The following PLCG2 variants were observed in gnomAD, a reference collection of about 807,000 sequenced individuals.
PLCG2 encodes 1-phosphatidylinositol 4,5-bisphosphate phosphodiesterase gamma-2.
Under a neutral mutation model 175.6 loss-of-function variants are expected in PLCG2, and 69 were observed. The observed-to-expected ratio is 0.39, with a 90% CI of 0.32 to 0.48. The LOEUF is 0.48. Among genes scored for constraint, PLCG2 ranks in the 20% least tolerant of loss-of-function variants. PLCG2 has a pLI of 0.91. For missense variants in PLCG2, 1,798 were observed against 1,650.9 expected (o/e 1.09, Z -1.54); for synonymous variants, 827 against 624.0 (o/e 1.33, Z -4.85).
At chr16:81,891,439 T>C in intron 10 of PLCG2, 33 bp from the exon 11 acceptor site, 1 of 1,174,270 alleles carries the variant, frequency 8.5e-7, no homozygotes, top group Non-Finnish European at 1.3e-6. Context: ...CCCGTCAACG[T>C]GATGATTCGG....
At chr16:81,789,704 G>C (rs1486721347) in intron 2 of PLCG2, among the ~76,000 whole-genome samples, 1 of 152,132 alleles carries the variant, frequency 6.6e-6, no homozygotes, top group African/African-American at 2.4e-5. Flanking sequence ...ATTATAATAA[G>C]TCCCCCGGAT....
intron 23 of PLCG2, among the ~76,000 whole-genome samples, chr16:81,927,434 C>T (rs1910322508): frequency 6.6e-6 from 1 of 152,184 alleles, no homozygotes; most frequent in South Asian, 2.1e-4. Context: ...GGAGAATTCC[C>T]GCTGGAGTGA....
chr16:81,817,945 A>G (rs1904624173), intron 2 of PLCG2, among the ~76,000 whole-genome samples: 1 of 152,186 alleles, frequency 6.6e-6, no homozygotes, highest in African/African-American at 2.4e-5. Context: ...TGGGGTTGAG[A>G]GCAAAGACCC....
rs759442850 is a variant in PLCG2 at position 81,824,226 on chromosome 16, C to T, written c.194-30218C>T. ...TCAGCTCACCGCAACCTCCACCTCC[C>T]GGCTTCAAGCAATTCTCCTCCCTCA... is the stretch of plus-strand genomic sequence containing the variant. On this transcript the variant is annotated intron_variant, in intron 2 of 32. Transcript: ENST00000564138. Among the ~76,000 whole-genome samples, 9 of 151,466 alleles carry T rather than the reference C, an allele frequency of 5.9e-5. 1 individual carries two copies. Among genetic ancestry groups the T allele is most frequent in the South Asian group, 2.1e-4 (1 of 4,800 alleles).
At chr16:81,956,641 T>C in intron 31 of PLCG2, 54 bp from the exon 32 acceptor site, 2 of 1,502,684 alleles carry the variant, frequency 1.3e-6, no homozygotes, top group Non-Finnish European at 1.8e-6. Flanking sequence ...GGTTCACATT[T>C]TGGTTTGGAA....
At chr16:81,923,442 C>T (rs746924536) in intron 21 of PLCG2, 43 bp from the exon 22 acceptor site, 1 of 1,292,038 alleles carries the variant, frequency 7.7e-7, no homozygotes, top group Non-Finnish European at 1.1e-6. Flanking sequence ...TCCCTCCCCT[C>T]CTGTCCCTGG....
chr16:81,746,064 C>T (rs530828139), intron 1 of PLCG2, among the ~76,000 whole-genome samples: 1 of 152,332 alleles, frequency 6.6e-6, no homozygotes, highest in African/African-American at 2.4e-5. Flanking sequence ...GAAGGAATTT[C>T]ATGGCCCCTA....
intron 17 of PLCG2, among the ~76,000 whole-genome samples, chr16:81,909,547 G>T (rs1171786151): frequency 6.6e-6 from 1 of 152,194 alleles, no homozygotes; most frequent in African/African-American, 2.4e-5. Context: ...CATTTAAGTA[G>T]CTGGGACTAC....
chr16:81,883,366 C>G, intron 9 of PLCG2, 25 bp downstream of exon 9: 1 of 1,592,686 alleles, frequency 6.3e-7, no homozygotes, highest in Non-Finnish European at 8.6e-7. Context: ...TGTGTGGGTG[C>G]CTGAGGGAGC....
chr16:81,944,254 A>G (rs1567544588), intron 30 of PLCG2, among the ~76,000 whole-genome samples: 1 of 151,204 alleles, frequency 6.6e-6, no homozygotes, highest in Non-Finnish European at 1.5e-5. Flanking sequence ...AAGTACAGTC[A>G]GCCCTCTGGA....
chr16:81,944,183 A>G (rs1018540937), intron 30 of PLCG2, among the ~76,000 whole-genome samples: 1 of 152,224 alleles, frequency 6.6e-6, no homozygotes, highest in Non-Finnish European at 1.5e-5. Context: ...TGTCTTTGTC[A>G]TACTTTGAAT....
Position 81,959,302 on chromosome 16 carries a change from GA to G in PLCG2, c.*1307del. 4.5e-6 allele frequency: 1 copy of G among 222,626 alleles called. No individual in the cohort carries two copies. The highest frequency in any genetic ancestry group is 9.0e-6 in the Non-Finnish European group (1 of 111,386). 13.8% of individuals were successfully genotyped at this position (222,626 alleles called of 1,614,324 possible). A position where few individuals can be genotyped will look rare whatever the true frequency, so the allele number is the denominator to read the frequency against. ...CCATCTGACCCTCCTCTTGTTACCC[GA>G]AATGCTGGGCTTAGTATGCATGTAC... On this transcript the variant is annotated 3_prime_UTR_variant, in exon 33 of 33. Coordinates refer to ENST00000564138, the MANE Select transcript of PLCG2 (RefSeq NM_002661.5).
At position 81,907,839 on chromosome 16, in the gene PLCG2, C is replaced by T. The variant is rs71400183; in HGVS notation, c.1557+65C>T. 272,837 of 1,174,472 alleles carry T rather than the reference C, an allele frequency of 0.23. 32,355 individuals are homozygous for T. Among genetic ancestry groups the T allele is most frequent in the South Asian group, 0.26 (20,999 of 80,496 alleles). The allele number at this position is 1,174,472 out of a possible 1,614,324, so 72.8% of individuals were successfully genotyped here. On this transcript the variant is annotated intron_variant, in intron 16 of 32. Transcript: ENST00000564138. Reference sequence around the variant, plus strand: ...GGAACCCCGAGGACCAGCCAGTCCCCGGGACCTCCTTCCCATGTGGCTTCT... The same window carrying T: ...GGAACCCCGAGGACCAGCCAGTCCCTGGGACCTCCTTCCCATGTGGCTTCT...
chr16:81,912,886 T>C (rs1188017583), intron 19 of PLCG2, among the ~76,000 whole-genome samples, 170 bp downstream of exon 19: 1 of 152,270 alleles, frequency 6.6e-6, no homozygotes, highest in Admixed American at 6.5e-5. Flanking sequence ...TGTGCGCTCC[T>C]GCGTGCCAGG....
At chr16:81,759,782 G>A (rs192047140) in intron 2 of PLCG2, among the ~76,000 whole-genome samples, 4 of 152,322 alleles carry the variant, frequency 2.6e-5, no homozygotes, top group Non-Finnish European at 4.4e-5. Flanking sequence ...GCACTTGTCC[G>A]TAGCTCCTTT....
intron 2 of PLCG2, among the ~76,000 whole-genome samples, chr16:81,764,809 G>A (rs1910110528): frequency 6.6e-6 from 1 of 152,180 alleles, no homozygotes; most frequent in African/African-American, 2.4e-5. Context: ...AATTGATGAG[G>A]CTGGGTGTGG....
chr16:81,816,098 C>T (rs570364001), intron 2 of PLCG2, among the ~76,000 whole-genome samples: 3 of 149,592 alleles, frequency 2.0e-5, no homozygotes, highest in Admixed American at 1.3e-4. Context: ...CGGACAGGCA[C>T]GATGGCTTAT....
chr16:81,927,188 C>G lies in PLCG2; in HGVS notation c.2514+10C>G. ...GGAGCTAGAAAAGCAGGTGAGTCCC[C>G]CTCTTCGATCCTCTTACAGGAAGAA... On this transcript the variant is annotated intron_variant, in intron 23 of 32. Coordinates refer to ENST00000564138, the MANE Select transcript of PLCG2 (RefSeq NM_002661.5). The G allele has an allele frequency of 6.4e-7, 1 of 1,552,530 alleles. No homozygotes were observed. The highest frequency in any genetic ancestry group is 1.7e-4 in the Middle Eastern group (1 of 5,958).
rs138238586 is a variant in PLCG2, at chr16:81,916,518, T to G, written c.2055-2966T>G. 2.4e-3 allele frequency among the ~76,000 whole-genome samples: 358 copies of G among 152,330 alleles called. 1 individual carries two copies. The highest frequency in any genetic ancestry group is 0.023 in the South Asian group (111 of 4,830). On this transcript the variant is annotated intron_variant, in intron 19 of 32. Coordinates refer to ENST00000564138, the MANE Select transcript of PLCG2 (RefSeq NM_002661.5). ...ATGTATCATGTACAACATGGTGTTTTGAAATATGTATACATGGTGAAATGG... is the reference window on the plus strand; with the variant it reads ...ATGTATCATGTACAACATGGTGTTTGGAAATATGTATACATGGTGAAATGG...
Sources: gnomAD v4.1 joint callset for allele counts (sites outside exome capture counted in the v4.1 genomes callset) on GRCh38, gnomAD v4.1.1 for gene constraint, MANE v1.5 for transcripts, NCBI Gene and HGNC (gene_info 2026-07-23, HGNC 2026-07-21) for gene names.